The following RNF4 variants were observed in gnomAD, a reference collection of about 807,000 sequenced individuals.
RNF4 encodes E3 ubiquitin-protein ligase RNF4.
Under a neutral mutation model 24.3 loss-of-function variants are expected in RNF4, and 7 were observed. The ratio of observed to expected loss-of-function variants is 0.29; its 90% CI spans 0.16 to 0.54. The LOEUF (loss-of-function observed/expected upper bound fraction) is 0.54, where lower values mean the gene tolerates loss of function less well. Ranked by LOEUF, RNF4 falls within the 20% of genes least tolerant of loss-of-function variation. The pLI is 0.95. For synonymous variants in RNF4, 83 were observed against 84.3 expected, an observed-to-expected ratio of 0.98 and a Z score of 0.09; for missense variants, 209 against 248.5, an observed-to-expected ratio of 0.84 and a Z score of 1.07.
At position 2,512,385 on chromosome 4, in the gene RNF4, A is replaced by T. The variant is rs1352036924; in HGVS notation, c.215-53A>T. ...AAGAGGCGTCAGGATGGGAGTGGTG[A>T]GGATGGTAAGAGTAGAGAGCCTCCA... is the stretch of plus-strand genomic sequence containing the variant. On this transcript the variant is annotated intron_variant, in intron 5 of 7. Coordinates refer to ENST00000314289, the MANE Select transcript of RNF4 (RefSeq NM_002938.5). This position sits in a 1 kb window ranked among gnomAD's most constrained non-coding sequence, Gnocchi z 4.1. The T allele has an allele frequency of 6.4e-7, 1 of 1,560,542 alleles. No homozygotes were observed. The highest frequency in any genetic ancestry group is 1.2e-5 in the South Asian group (1 of 85,054).
intron 2 of RNF4, among the ~76,000 whole-genome samples, chr4:2,493,342 A>G (rs1735637219): frequency 6.6e-6 from 1 of 151,262 alleles, no homozygotes; most frequent in Non-Finnish European, 1.5e-5. Flanking sequence ...GAGGTTAGGG[A>G]GGGGTGGGGA....
chr4:2,478,998 G>A (rs1310261311), intron 1 of RNF4, among the ~76,000 whole-genome samples: 1 of 152,232 alleles, frequency 6.6e-6, no homozygotes, highest in African/African-American at 2.4e-5. Context: ...CCACAGGGGT[G>A]GAGCTGCCTA....
chr4:2,473,145 G>A (rs1414651126), intron 1 of RNF4, among the ~76,000 whole-genome samples: 1 of 152,126 alleles, frequency 6.6e-6, no homozygotes, highest in Non-Finnish European at 1.5e-5. Context: ...ACTTTGGGAG[G>A]CTGGGGCAGG....
intron 4 of RNF4, among the ~76,000 whole-genome samples, chr4:2,503,360 A>G (rs1735974417): frequency 6.6e-6 from 1 of 152,058 alleles, no homozygotes; most frequent in Non-Finnish European, 1.5e-5. Context: ...GACCAGGAAT[A>G]TTGGTGTTGA....
At chr4:2,501,584 C>T (rs1735913365) in intron 4 of RNF4, among the ~76,000 whole-genome samples, 1 of 152,314 alleles carries the variant, frequency 6.6e-6, no homozygotes, top group South Asian at 2.1e-4. Context: ...GCATGCAGGT[C>T]TGGGAATCTG....
chr4:2,470,383 G>A (rs984973122), intron 1 of RNF4, among the ~76,000 whole-genome samples: 5 of 152,190 alleles, frequency 3.3e-5, no homozygotes, highest in Non-Finnish European at 5.9e-5. Context: ...GCTTTTTAAT[G>A]GACAAGGACA....
chr4:2,480,955 T>A (rs1182182771), intron 1 of RNF4: 1 of 152,172 alleles, frequency 6.6e-6, no homozygotes, highest in Non-Finnish European at 1.5e-5. Context: ...GAGAACCACT[T>A]GAGAGTTTGC....
Position 2,512,194 on chromosome 4 carries a change from C to A in RNF4, c.214+229C>A. On this transcript the variant is annotated intron_variant, in intron 5 of 7. Transcript: ENST00000314289. This position sits in a 1 kb window ranked among gnomAD's most constrained non-coding sequence, Gnocchi z 4.1. ...ACTGAGCTATAGTCCTTTCTTGTGG[C>A]CTACCAGATTTTGGAGAAGGCTGGT... The A allele has an allele frequency of 1.6e-6, 1 of 644,394 alleles. No individual in the cohort carries two copies. The allele number at this position is 644,394 out of a possible 1,614,324, so 39.9% of individuals were successfully genotyped here.
intron 2 of RNF4, among the ~76,000 whole-genome samples, chr4:2,495,378 G>A (rs1735701742): frequency 6.6e-6 from 1 of 152,172 alleles, no homozygotes; most frequent in Non-Finnish European, 1.5e-5. Context: ...TCCTGGGACA[G>A]ATTGACCCTA....
At chr4:2,484,204 G>A (rs1418775789) in intron 1 of RNF4, among the ~76,000 whole-genome samples, 1 of 151,528 alleles carries the variant, frequency 6.6e-6, no homozygotes, top group Non-Finnish European at 1.5e-5. Flanking sequence ...TGTGTACCTG[G>A]TGTAGGCCTA....
chr4:2,494,222 T>A (rs1578512867), intron 2 of RNF4, among the ~76,000 whole-genome samples: 1 of 152,154 alleles, frequency 6.6e-6, no homozygotes, highest in East Asian at 1.9e-4. Context: ...AAGGGTACAC[T>A]CACCAGTTGT....
chr4:2,479,816 A>T (rs1346444954), intron 1 of RNF4: 1 of 152,302 alleles, frequency 6.6e-6, no homozygotes, highest in Non-Finnish European at 1.5e-5. Context: ...TTTACTTGCA[A>T]TGTAAAGGCT....
chr4:2,484,577 T>C (rs969876226), intron 1 of RNF4, among the ~76,000 whole-genome samples: 1 of 151,328 alleles, frequency 6.6e-6, no homozygotes, highest in Non-Finnish European at 1.5e-5. Context: ...CGTATACATA[T>C]ATACCATGAA....
chr4:2,488,228 C>T (rs1455367328), intron 1 of RNF4, among the ~76,000 whole-genome samples: 6 of 152,062 alleles, frequency 3.9e-5, no homozygotes, highest in East Asian at 1.9e-4. Flanking sequence ...TTTGGGAAGC[C>T]GAGGCAAGTG....
intron 1 of RNF4, among the ~76,000 whole-genome samples, chr4:2,481,602 C>A (rs900671767): frequency 6.6e-6 from 1 of 152,198 alleles, no homozygotes; most frequent in Non-Finnish European, 1.5e-5. Flanking sequence ...CCTTGGACCT[C>A]CTCCTCCTGC....
At chr4:2,500,176 A>G (rs1249576461) in intron 3 of RNF4, among the ~76,000 whole-genome samples, 2 of 151,416 alleles carry the variant, frequency 1.3e-5, no homozygotes. Flanking sequence ...AAAAAAAAAA[A>G]AGAATTTGCC....
intron 1 of RNF4, among the ~76,000 whole-genome samples, chr4:2,471,630 C>T (rs1475419540): frequency 6.6e-6 from 1 of 152,184 alleles, no homozygotes; most frequent in Admixed American, 6.5e-5. Flanking sequence ...GTTGTGAATG[C>T]AGAGGAAGAG....
chr4:2,508,187 G>T (rs1220965881), intron 4 of RNF4, among the ~76,000 whole-genome samples: 10 of 152,196 alleles, frequency 6.6e-5, no homozygotes, highest in African/African-American at 2.2e-4. Flanking sequence ...GCTTACCACA[G>T]TACTAATTAA....
At chr4:2,482,473 C>T (rs1735272548) in intron 1 of RNF4, among the ~76,000 whole-genome samples, 1 of 152,192 alleles carries the variant, frequency 6.6e-6, no homozygotes, top group African/African-American at 2.4e-5. Context: ...GCCCCTCGGC[C>T]TCCGGAGGAG....
Sources: gnomAD v4.1 joint callset for allele counts (sites outside exome capture counted in the v4.1 genomes callset) on GRCh38, gnomAD v4.1.1 for gene constraint, Gnocchi (gnomAD v3.1) non-coding constraint, MANE v1.5 for transcripts, NCBI Gene and HGNC (gene_info 2026-07-23, HGNC 2026-07-21) for gene names.